Variants in SYNE2 observed in about 807,000 individuals in gnomAD.
The protein encoded by SYNE2 is spectrin repeat containing nuclear envelope protein 2, also known as nesprin-2.
SYNE2 carries 431 observed loss-of-function variants against 856.3 expected under a neutral mutation model. That is an observed-to-expected ratio of 0.50 (90% CI 0.47 to 0.55). SYNE2 has a LOEUF of 0.55. Among genes scored for constraint, SYNE2 ranks in the 20% least tolerant of loss-of-function variants. The pLI is 0.00. For synonymous variants in SYNE2, 2,923 were observed against 2,872.3 expected, an observed-to-expected ratio of 1.02 and a Z score of -0.56; for missense variants, 8,129 against 8,023.2, an observed-to-expected ratio of 1.01 and a Z score of -0.50.
intron 1 of SYNE2, among the ~76,000 whole-genome samples, chr14:63,886,282 G>A (rs1316617908): frequency 1.3e-5 from 2 of 152,288 alleles, no homozygotes; most frequent in South Asian, 2.1e-4. Context: ...ACAGGAAGAT[G>A]TGTGCTTAGG....
At chr14:64,083,882 T>C (rs970222673) in intron 57 of SYNE2, among the ~76,000 whole-genome samples, 5 of 152,208 alleles carry the variant, frequency 3.3e-5, no homozygotes, top group African/African-American at 1.2e-4. Flanking sequence ...TAAGAATAAC[T>C]GAAACATACA....
intron 74 of SYNE2, 66 bp from the exon 75 acceptor site, chr14:64,129,716 A>G (rs2097993022): frequency 6.2e-7 from 1 of 1,606,228 alleles, no homozygotes; most frequent in Non-Finnish European, 8.5e-7. Context: ...AATTCTTTTT[A>G]GATAACTATG....
chr14:64,084,476 A>AT (rs1178616175), intron 57 of SYNE2: 1 of 152,950 alleles, frequency 6.5e-6, no homozygotes, highest in African/African-American at 2.4e-5. Flanking sequence ...CTTTTCTAGA[A>AT]TATCATATAG....
intron 65 of SYNE2, among the ~76,000 whole-genome samples, chr14:64,111,416 A>G (rs990010248): frequency 1.3e-5 from 2 of 152,216 alleles, no homozygotes; most frequent in African/African-American, 4.8e-5. Context: ...ATATAGCAAT[A>G]TCTGAAAACT....
At chr14:64,190,508 G>C in intron 99 of SYNE2, 1 of 660,702 alleles carries the variant, frequency 1.5e-6, no homozygotes, top group Non-Finnish European at 2.7e-6. Flanking sequence ...TTTGGAAAGG[G>C]ATCCTTGGGA....
chr14:63,871,951 C>T (rs1896948777), intron 1 of SYNE2, among the ~76,000 whole-genome samples: 1 of 152,152 alleles, frequency 6.6e-6, no homozygotes, highest in East Asian at 1.9e-4. Context: ...TCTTCCTCCT[C>T]CCCAGAGGAA....
chr14:64,014,972 T>TACACACACACAC (rs1459153230), intron 32 of SYNE2, among the ~76,000 whole-genome samples: 3 of 83,950 alleles, frequency 3.6e-5, no homozygotes, highest in African/African-American at 1.4e-4. Context: ...TATATATATA[T>TACACACACACAC]ATACACACAC....
intron 11 of SYNE2, among the ~76,000 whole-genome samples, chr14:63,971,120 GTT>G (rs61322567): frequency 1.4e-5 from 2 of 140,742 alleles, no homozygotes. Context: ...AGGTTTTTTG[GTT>G]TTTTTTTTTT....
Position 64,165,394 on chromosome 14 carries a change from ATCCTGACTCAT to A in SYNE2, c.16595_16605del (p.Asp5532GlufsTer12). On this transcript the variant is annotated frameshift_variant, in exon 90 of 116. Coordinates refer to ENST00000555002, the MANE Select transcript of SYNE2 (RefSeq NM_182914.3). LOFTEE classifies it high-confidence loss of function. ...AGACTTCACCAACAGGAAAAAGAAA[ATCCTGACTCAT>A]TCCTGGTATTGCCAATATTTGTCTT... 6.2e-7 allele frequency: 1 copy of A among 1,613,854 alleles called. No homozygotes were observed. Among genetic ancestry groups the A allele is most frequent in the Non-Finnish European group, 8.5e-7 (1 of 1,179,954 alleles).
intron 1 of SYNE2, among the ~76,000 whole-genome samples, chr14:63,882,724 A>G (rs1031344386): frequency 1.3e-5 from 2 of 152,186 alleles, no homozygotes; most frequent in African/African-American, 2.4e-5. Context: ...AAACAAACAA[A>G]CAAAAACAAA....
chr14:64,035,517 T>TTA (rs1033342889), intron 45 of SYNE2, among the ~76,000 whole-genome samples: 1 of 144,242 alleles, frequency 6.9e-6, no homozygotes, highest in Non-Finnish European at 1.5e-5. Context: ...CATGGTACAT[T>TTA]TTTTTTTTTT....
Position 63,951,590 on chromosome 14 carries a change from G to A in SYNE2, c.590+1584G>A, listed in dbSNP as rs999833272. Reference sequence around the variant, plus strand: ...AGTGCTGTGATTACAGGGGTGAGCCGCTGCTCCCGGCCCAGCCTTACTTTT... The same window carrying A: ...AGTGCTGTGATTACAGGGGTGAGCCACTGCTCCCGGCCCAGCCTTACTTTT... On this transcript the variant is annotated intron_variant, in intron 7 of 115. Coordinates refer to ENST00000555002, the MANE Select transcript of SYNE2 (RefSeq NM_182914.3). Among the ~76,000 whole-genome samples the A allele has an allele frequency of 1.1e-4, 17 of 152,118 alleles. 1 individual carries two copies. The highest frequency in any genetic ancestry group is 6.5e-4 in the Admixed American group (10 of 15,270).
chr14:63,864,032 C>T (rs1459405073), intron 1 of SYNE2, among the ~76,000 whole-genome samples: 2 of 152,060 alleles, frequency 1.3e-5, no homozygotes, highest in Non-Finnish European at 2.9e-5. Context: ...AGGCTGGTCT[C>T]GAACTCCTGA....
Position 64,163,494 on chromosome 14 carries a change from C to T in SYNE2, c.16392C>T (p.Thr5464=), listed in dbSNP as rs567698545. The T allele has an allele frequency of 9.3e-6, 15 of 1,614,156 alleles. No homozygotes were observed. In the African/African-American group the frequency reaches 1.9e-4, roughly 20 times the overall value. Residue 5464 remains threonine (T), a synonymous_variant, in exon 89 of 116, where the codon ACC becomes ACT. Transcript: ENST00000555002. ...TCCCACAACCCGCAGAGTCCAGCACCCACATGCTCCTCCCGGGCCCCCTGC... is the reference window on the plus strand; with the variant it reads ...TCCCACAACCCGCAGAGTCCAGCACTCACATGCTCCTCCCGGGCCCCCTGC... The part of the protein sequence containing the change: ...DRLPQPAESS[T]HMLLPGPLHS...
intron 1 of SYNE2, among the ~76,000 whole-genome samples, chr14:63,895,775 CAAAAAAAAAAA>C: frequency 1.1e-5 from 1 of 92,624 alleles, no homozygotes; most frequent in South Asian, 3.6e-4. Context: ...TCCAAATCTC[CAAAAAAAAAAA>C]AAAAAAAAAC....
At chr14:64,150,167 A>G (rs144639266) in intron 84 of SYNE2, among the ~76,000 whole-genome samples, 1 of 150,626 alleles carries the variant, frequency 6.6e-6, no homozygotes, top group African/African-American at 2.4e-5. Context: ...ATGGTGGCAC[A>G]TGCCTGTAGC....
chr14:64,014,672 C>T (rs1215137493), intron 32 of SYNE2, among the ~76,000 whole-genome samples: 1 of 151,978 alleles, frequency 6.6e-6, no homozygotes, highest in Non-Finnish European at 1.5e-5. Context: ...TGTGATCCAC[C>T]TCGGCCTCCC....
intron 1 of SYNE2, among the ~76,000 whole-genome samples, chr14:63,827,202 C>T (rs1031488909): frequency 6.7e-6 from 1 of 150,234 alleles, no homozygotes; most frequent in Non-Finnish European, 1.5e-5. Context: ...CACTTGAACC[C>T]AGGAGGCAGA....
chr14:64,060,157 G>A (rs571839030), intron 49 of SYNE2, among the ~76,000 whole-genome samples: 3 of 151,908 alleles, frequency 2.0e-5, no homozygotes, highest in Non-Finnish European at 1.5e-5. Flanking sequence ...TGGCTTAGCT[G>A]GTACCTAAGC....
Sources: gnomAD v4.1 joint callset for allele counts (sites outside exome capture counted in the v4.1 genomes callset) on GRCh38, gnomAD v4.1.1 for gene constraint, MANE v1.5 for transcripts, NCBI Gene and HGNC (gene_info 2026-07-23, HGNC 2026-07-21) for gene names.